Variants in SCNN1B observed in about 807,000 individuals in gnomAD.
SCNN1B encodes the protein sodium channel epithelial 1 subunit beta.
In SCNN1B, 46 loss-of-function variants were observed where a neutral mutation model predicts 65.3. The ratio of observed to expected loss-of-function variants is 0.70; its 90% CI spans 0.56 to 0.90. The LOEUF (loss-of-function observed/expected upper bound fraction) is 0.90, where lower values mean the gene tolerates loss of function less well. SCNN1B is among the 40% of genes least tolerant of loss of function. SCNN1B has a pLI of 0.00. For missense variants in SCNN1B, 751 were observed against 830.5 expected, an observed-to-expected ratio of 0.90 and a Z score of 1.18; for synonymous variants, 349 against 330.6, an observed-to-expected ratio of 1.06 and a Z score of -0.60.
intron 1 of SCNN1B, among the ~76,000 whole-genome samples, chr16:23,346,299 C>T (rs1031587374): frequency 1.4e-5 from 2 of 142,904 alleles, no homozygotes; most frequent in Non-Finnish European, 3.0e-5. Context: ...GCAATCTCGG[C>T]TCACTGCAAC....
At chr16:23,306,867 C>T (rs766990010) in intron 1 of SCNN1B, among the ~76,000 whole-genome samples, 1 of 152,172 alleles carries the variant, frequency 6.6e-6, no homozygotes, top group Non-Finnish European at 1.5e-5. Flanking sequence ...AGAAAAGGAA[C>T]TTGAGGCTGT....
At position 23,348,692 on chromosome 16, in the gene SCNN1B, C is replaced by A. The variant is rs773566964; in HGVS notation, c.93C>A (p.Asp31Glu). The change falls in exon 2 of 13, where the codon GAC (aspartate) becomes GAA (glutamate). Residue 31 changes from aspartate (D) to glutamate (E), a missense_variant. Asp to Glu is a conservative substitution (Grantham distance 45). Coordinates refer to ENST00000343070, the MANE Select transcript of SCNN1B (RefSeq NM_000336.3). The surrounding 1 kb of genome is among the most constrained non-coding windows in gnomAD (Gnocchi z 4.5). ...AGGAGCTGCTGGTGTGGTACTGCGA[C>A]AACACCAACACCCACGGCCCCAAGC... The part of the protein sequence containing the change: ...TYKELLVWYC[D>E]NTNTHGPKRI... 2.5e-6 allele frequency: 4 copies of A among 1,614,050 alleles called. No individual in the cohort carries two copies. The Admixed American group carries it at 6.7e-5, about 27-fold the overall frequency.
At chr16:23,339,495 G>A (rs1212801541) in intron 1 of SCNN1B, among the ~76,000 whole-genome samples, 2 of 151,816 alleles carry the variant, frequency 1.3e-5, no homozygotes, top group African/African-American at 4.8e-5. Flanking sequence ...CAATCCTCCT[G>A]GCTTGGCCTC....
At chr16:23,305,450 C>T (rs71379808) in intron 1 of SCNN1B, among the ~76,000 whole-genome samples, 4,443 of 142,512 alleles carry the variant, frequency 0.031, 124 homozygotes, top group Middle Eastern at 0.071. Context: ...CTTAGGAGAT[C>T]GAGACCAGCG....
chr16:23,323,565 A>C (rs1260837075), intron 1 of SCNN1B: 1 of 703,048 alleles, frequency 1.4e-6, no homozygotes, highest in Non-Finnish European at 2.6e-6. Flanking sequence ...TGGGGAAACC[A>C]GGGCACAGAG....
intron 8 of SCNN1B, among the ~76,000 whole-genome samples, chr16:23,376,744 TAAA>T (rs770607656): frequency 6.3e-5 from 4 of 63,190 alleles, no homozygotes; most frequent in African/African-American, 1.4e-4. Context: ...ACCCCGTCTA[TAAA>T]AAAAAAAAAA....
chr16:23,295,366 C>T (rs143874741), intron 2 of SCNN1B, among the ~76,000 whole-genome samples: 77 of 150,580 alleles, frequency 5.1e-4, no homozygotes, highest in African/African-American at 1.7e-3. Context: ...ACTGTAGGAG[C>T]GTGCCACCAT....
rs541449814 is a variant in SCNN1B, at chr16:23,380,564, A to G, written c.1686A>G (p.Leu562=). ...IIKLVALAKS[L]RQRRAQASYA... ...AGCTGGTGGCCTTGGCCAAGAGCCT[A>G]CGGCAGCGGCGAGCCCAAGCCAGCT... is the stretch of plus-strand genomic sequence containing the variant. Residue 562 remains leucine (L), a synonymous_variant, in exon 13 of 13, where the codon CTA becomes CTG. Coordinates refer to ENST00000343070, the MANE Select transcript of SCNN1B (RefSeq NM_000336.3). The surrounding 1 kb of genome is among the most constrained non-coding windows in gnomAD (Gnocchi z 5.4). 182 of 1,614,174 alleles carry G rather than the reference A, an allele frequency of 1.1e-4. No individual in the cohort carries two copies. The Middle Eastern group carries it at 2.0e-3, about 18-fold the overall frequency.
At chr16:23,374,128 G>A (rs764753265) in intron 7 of SCNN1B, among the ~76,000 whole-genome samples, 5 of 152,012 alleles carry the variant, frequency 3.3e-5, no homozygotes, top group Admixed American at 6.6e-5. Context: ...TTGGTGGGGC[G>A]TGGTGGTGCA....
intron 4 of SCNN1B, among the ~76,000 whole-genome samples, chr16:23,367,300 G>A (rs533285706): frequency 1.5e-4 from 23 of 152,204 alleles, no homozygotes; most frequent in African/African-American, 5.1e-4. Flanking sequence ...TGTTGTTGTT[G>A]TTTGTTGTTG....
At position 23,293,114 on chromosome 16, in the gene SCNN1B, C is replaced by CAAAAAAAAAAAAAAAAAAA. The variant is rs1191618996; in HGVS notation, n.178+9320_178+9338dup. On this transcript the variant is annotated intron_variant and non_coding_transcript_variant, in intron 2 of 3. Coordinates refer to the SCNN1B transcript ENST00000569789. ...TGGGCAATACAGGGAGACTCATTCT[C>CAAAAAAAAAAAAAAAAAAA]AAAAAAAAAAAAAAAAAAAAAAAAA... 2.0e-4 allele frequency among the ~76,000 whole-genome samples: 7 copies of CAAAAAAAAAAAAAAAAAAA among 34,180 alleles called. 1 individual carries two copies. Among genetic ancestry groups the CAAAAAAAAAAAAAAAAAAA allele is most frequent in the African/African-American group, 3.8e-4 (5 of 13,196 alleles). 22.4% of individuals were successfully genotyped at this position (34,180 alleles called of 152,430 possible).
chr16:23,371,097 C>T (rs1332530838), intron 5 of SCNN1B, among the ~76,000 whole-genome samples: 1 of 152,156 alleles, frequency 6.6e-6, no homozygotes, highest in Non-Finnish European at 1.5e-5. Flanking sequence ...GAGGAGGCTA[C>T]GTAAGAGCCT....
At chr16:23,336,081 C>G (rs1253673726) in intron 1 of SCNN1B, among the ~76,000 whole-genome samples, 1 of 152,144 alleles carries the variant, frequency 6.6e-6, no homozygotes, top group African/African-American at 2.4e-5. Flanking sequence ...GTCAGGTGCC[C>G]CGTCTGAGCT....
intron 1 of SCNN1B, among the ~76,000 whole-genome samples, chr16:23,305,628 T>C (rs2141980531): frequency 7.5e-6 from 1 of 133,754 alleles, no homozygotes; most frequent in South Asian, 2.4e-4. Context: ...GTACCTACAG[T>C]CCCAGCTACA....
At chr16:23,294,950 A>G (rs1960975215) in intron 2 of SCNN1B, among the ~76,000 whole-genome samples, 1 of 152,116 alleles carries the variant, frequency 6.6e-6, no homozygotes, top group Non-Finnish European at 1.5e-5. Flanking sequence ...CCGAGATCAC[A>G]CTGCTGCACT....
In SCNN1B at chr16:23,365,248, C is replaced by T. The variant is rs143844335; in HGVS notation, c.777-2608C>T. On this transcript the variant is annotated intron_variant, in intron 4 of 12. Coordinates refer to ENST00000343070, the MANE Select transcript of SCNN1B (RefSeq NM_000336.3). ...CAGAGGTTACAGTGAACCAATATCACGCCATTGCACTCCAGCCTGGGCAAC... is the reference window on the plus strand; with the variant it reads ...CAGAGGTTACAGTGAACCAATATCATGCCATTGCACTCCAGCCTGGGCAAC... 1.6e-3 allele frequency among the ~76,000 whole-genome samples: 241 copies of T among 151,444 alleles called. 1 individual carries two copies. The highest frequency in any genetic ancestry group is 4.3e-3 in the African/African-American group (177 of 41,216).
Position 23,343,645 on chromosome 16 carries a change from AAG to A in SCNN1B, c.-8-4945_-8-4944del, listed in dbSNP as rs1461850200. Among the ~76,000 whole-genome samples, 2 of 130,280 alleles carry A rather than the reference AAG, an allele frequency of 1.5e-5. 1 individual carries two copies. Among genetic ancestry groups the A allele is most frequent in the African/African-American group, 6.3e-5 (2 of 31,898 alleles). The allele number at this position is 130,280 out of a possible 152,430, so 85.5% of individuals were successfully genotyped here. On this transcript the variant is annotated intron_variant, in intron 1 of 12. Transcript: ENST00000343070. Reference sequence around the variant, plus strand: ...AAAGAAAGAAAGAAAGAAAGAAAGAAAGAAAAAAAGAAAGGAAGGAAGGAAGA... The same window carrying A: ...AAAGAAAGAAAGAAAGAAAGAAAGAAAAAAAAAGAAAGGAAGGAAGGAAGA...
intron 1 of SCNN1B, among the ~76,000 whole-genome samples, chr16:23,329,886 T>C (rs1436945187): frequency 6.6e-6 from 1 of 151,568 alleles, no homozygotes; most frequent in Non-Finnish European, 1.5e-5. Context: ...ATTAGTTGGG[T>C]GTGGTGGCAT....
At chr16:23,304,444 A>C (rs1471875013) in intron 1 of SCNN1B, among the ~76,000 whole-genome samples, 1 of 152,196 alleles carries the variant, frequency 6.6e-6, no homozygotes, top group African/African-American at 2.4e-5. Flanking sequence ...CAGTCTCTGC[A>C]GGTCCCTAAG....
Sources: allele counts gnomAD v4.1 joint callset (sites outside exome capture counted in the v4.1 genomes callset), GRCh38; gene constraint gnomAD v4.1.1; non-coding constraint Gnocchi (gnomAD v3.1); transcripts MANE v1.5; gene names NCBI Gene and HGNC (gene_info 2026-07-23, HGNC 2026-07-21).